PARD3B: variants seen among roughly 807,000 people sequenced by gnomAD.
The protein encoded by PARD3B is partitioning defective 3 homolog B.
A neutral mutation model predicts 130.2 loss-of-function variants in PARD3B; 103 were observed. The observed-to-expected ratio is 0.79, with a 90% CI of 0.67 to 0.93. The LOEUF (loss-of-function observed/expected upper bound fraction) is 0.93. Among genes scored for constraint, PARD3B ranks in the 40% least tolerant of loss-of-function variants. PARD3B has a pLI of 0.00. For synonymous variants in PARD3B, 583 were observed against 553.2 expected (o/e 1.05, Z -0.76); for missense variants, 1,609 against 1,499.2 (o/e 1.07, Z -1.21).
At chr2:204,733,464 A>G (rs1287524380) in intron 2 of PARD3B, among the ~76,000 whole-genome samples, 1 of 140,716 alleles carries the variant, frequency 7.1e-6, no homozygotes, top group East Asian at 2.2e-4. Flanking sequence ...TGTAATCCCA[A>G]CAAACCTTGA....
At chr2:205,063,385 A>C (rs1278799400) in intron 4 of PARD3B, among the ~76,000 whole-genome samples, 1 of 152,082 alleles carries the variant, frequency 6.6e-6, no homozygotes, top group Non-Finnish European at 1.5e-5. Context: ...GTTTTCCTGG[A>C]TTTCTAAATT....
intron 2 of PARD3B, among the ~76,000 whole-genome samples, chr2:204,711,737 G>C (rs1220138573): frequency 1.3e-5 from 2 of 151,934 alleles, no homozygotes; most frequent in African/African-American, 4.8e-5. Flanking sequence ...CAGTAGAGAT[G>C]GGGTTTCGCC....
chr2:205,027,026 T>C (rs1384367779), intron 3 of PARD3B, among the ~76,000 whole-genome samples: 1 of 152,158 alleles, frequency 6.6e-6, no homozygotes, highest in East Asian at 1.9e-4. Context: ...CTTTGAGATA[T>C]TGATTTAAAT....
chr2:205,446,552 A>G lies in PARD3B; in HGVS notation c.3044+5880A>G, dbSNP rs552115825. Among the ~76,000 whole-genome samples, 1 of 152,256 alleles carries G rather than the reference A, an allele frequency of 6.6e-6. No individual in the cohort carries two copies. Among genetic ancestry groups the G allele is most frequent in the African/African-American group, 2.4e-5 (1 of 41,548 alleles). On this transcript the variant is annotated intron_variant, in intron 20 of 22. Transcript: ENST00000406610. This position sits in a 1 kb window ranked among gnomAD's most constrained non-coding sequence, Gnocchi z 4.4. Reference sequence around the variant, plus strand: ...GGAACAGATCGTGTGTATGTGGTCCATAGTAGCTTTCTAATAGAGGCGACT... The same window carrying G: ...GGAACAGATCGTGTGTATGTGGTCCGTAGTAGCTTTCTAATAGAGGCGACT...
intron 4 of PARD3B, among the ~76,000 whole-genome samples, chr2:205,098,465 G>A (rs1702541140): frequency 6.6e-6 from 1 of 152,076 alleles, no homozygotes; most frequent in Admixed American, 6.6e-5. Flanking sequence ...ATGAAAAACC[G>A]AGCAATAAAA....
intron 2 of PARD3B, among the ~76,000 whole-genome samples, chr2:204,738,070 C>T (rs577510374): frequency 4.3e-4 from 66 of 151,908 alleles, no homozygotes; most frequent in Non-Finnish European, 7.6e-4. Flanking sequence ...TTTTTTGATT[C>T]CATATTAATT....
intron 20 of PARD3B, among the ~76,000 whole-genome samples, chr2:205,444,144 A>G (rs2047823217): frequency 6.6e-6 from 1 of 152,044 alleles, no homozygotes; most frequent in Admixed American, 6.6e-5. Context: ...CACCAACCCG[A>G]CTAATTTTTT....
chr2:204,934,601 A>G (rs1688271430), intron 2 of PARD3B, among the ~76,000 whole-genome samples: 1 of 152,110 alleles, frequency 6.6e-6, no homozygotes, highest in Non-Finnish European at 1.5e-5. Flanking sequence ...AGGCTCATGC[A>G]TATTTAAAAC....
chr2:205,198,673 A>G (rs1208615885), intron 15 of PARD3B, among the ~76,000 whole-genome samples: 2 of 152,136 alleles, frequency 1.3e-5, no homozygotes, highest in East Asian at 1.9e-4. Flanking sequence ...TTCTAGTATC[A>G]GCTCAAAGAT....
At chr2:205,199,868 A>C (rs1029740655) in intron 15 of PARD3B, among the ~76,000 whole-genome samples, 9 of 152,132 alleles carry the variant, frequency 5.9e-5, no homozygotes, top group Admixed American at 2.0e-4. Context: ...TAGGCCTCAC[A>C]CTGGAAGACA....
At chr2:205,393,130 T>C (rs1574903725) in intron 18 of PARD3B, among the ~76,000 whole-genome samples, 1 of 152,182 alleles carries the variant, frequency 6.6e-6, no homozygotes, top group African/African-American at 2.4e-5. Flanking sequence ...TTACAATACA[T>C]GGAAGTTAAT....
Position 205,585,109 on chromosome 2 carries a change from T to C in PARD3B, c.3261-30347T>C, listed in dbSNP as rs1323324321. Among the ~76,000 whole-genome samples the C allele has an allele frequency of 1.3e-5, 2 of 152,178 alleles. No individual in the cohort carries two copies. The highest frequency in any genetic ancestry group is 4.8e-5 in the African/African-American group (2 of 41,452). Reference sequence around the variant, plus strand: ...ATAGTGGAGGCGTGAAAATAGATCCTTCGTAACCCCACAGCCTTGGAATGA... The same window carrying C: ...ATAGTGGAGGCGTGAAAATAGATCCCTCGTAACCCCACAGCCTTGGAATGA... On this transcript the variant is annotated intron_variant, in intron 22 of 22. Transcript: ENST00000406610. The surrounding 1 kb of genome is among the most constrained non-coding windows in gnomAD (Gnocchi z 5.4).
At position 204,682,319 on chromosome 2, in the gene PARD3B, G is replaced by C. The variant is rs114374972; in HGVS notation, c.121-3862G>C. The stretch of plus-strand genomic sequence containing the variant: ...ACCTTGGCTTTGCTGCTTATTCAGT[G>C]TCTGAACTTCGGAAAGTTAATTCAC... On this transcript the variant is annotated intron_variant, in intron 1 of 22. Coordinates refer to ENST00000406610, the MANE Select transcript of PARD3B (RefSeq NM_001302769.2). 3.7e-3 allele frequency among the ~76,000 whole-genome samples: 566 copies of C among 152,218 alleles called. 3 individuals carry two copies. The highest frequency in any genetic ancestry group is 0.013 in the African/African-American group (550 of 41,532).
intron 2 of PARD3B, among the ~76,000 whole-genome samples, chr2:204,710,201 T>C (rs1559078209): frequency 6.6e-6 from 1 of 152,188 alleles, no homozygotes. Flanking sequence ...TGGGAAGACA[T>C]TGTCCTGCTG....
intron 1 of PARD3B, among the ~76,000 whole-genome samples, chr2:204,662,610 T>TA (rs1338687875): frequency 5.9e-5 from 9 of 152,194 alleles, no homozygotes; most frequent in Non-Finnish European, 2.9e-5. Flanking sequence ...CATAGAATAT[T>TA]AAAGATACGT....
rs6739672 is a variant in PARD3B at position 204,680,914 on chromosome 2, G to A, written c.121-5267G>A. ...TTATAAAGTATGTTCTAATCTTTTC[G>A]GTTACACTATTTGTGTGTGTGTGTG... On this transcript the variant is annotated intron_variant, in intron 1 of 22. Transcript: ENST00000406610. 8.2e-3 allele frequency among the ~76,000 whole-genome samples: 1,253 copies of A among 151,972 alleles called. 9 individuals carry two copies. The highest frequency in any genetic ancestry group is 0.028 in the African/African-American group (1,152 of 41,460).
At position 204,963,152 on chromosome 2, in the gene PARD3B, TACCATTTAGTCAGTG is replaced by T. The variant is rs372107639; in HGVS notation, c.223-1996_223-1982del. 2.4e-3 allele frequency among the ~76,000 whole-genome samples: 368 copies of T among 152,336 alleles called. 2 individuals are homozygous for T. Among genetic ancestry groups the T allele is most frequent in the African/African-American group, 8.0e-3 (331 of 41,582 alleles). On this transcript the variant is annotated intron_variant, in intron 2 of 22. Coordinates refer to ENST00000406610, the MANE Select transcript of PARD3B (RefSeq NM_001302769.2). ...AAAAAGACTAGATTCCACTACCAGC[TACCATTTAGTCAGTG>T]ACCTTGGGAAACAAAACTTCGGAGC...
At chr2:205,481,328 A>G (rs1168439728) in intron 20 of PARD3B, among the ~76,000 whole-genome samples, 1 of 152,162 alleles carries the variant, frequency 6.6e-6, no homozygotes, top group African/African-American at 2.4e-5. Flanking sequence ...AAGTGGAAGG[A>G]AAGCAGGAGG....
intron 21 of PARD3B, among the ~76,000 whole-genome samples, chr2:205,522,850 A>C (rs1402757829): frequency 6.6e-6 from 1 of 152,128 alleles, no homozygotes; most frequent in Non-Finnish European, 1.5e-5. Context: ...ATATTTAGGT[A>C]TGAGAAATGT....
Sources: gnomAD v4.1 joint callset for allele counts (sites outside exome capture counted in the v4.1 genomes callset) on GRCh38, gnomAD v4.1.1 for gene constraint, Gnocchi (gnomAD v3.1) non-coding constraint, MANE v1.5 for transcripts, NCBI Gene and HGNC (gene_info 2026-07-23, HGNC 2026-07-21) for gene names.